The following SCPEP1 variants were observed in gnomAD, a reference collection of about 807,000 sequenced individuals.
SCPEP1 encodes retinoid-inducible serine carboxypeptidase.
Under a neutral mutation model 63.8 loss-of-function variants are expected in SCPEP1, and 51 were observed. The observed-to-expected ratio is 0.80, with a 90% CI of 0.64 to 1.01. The LOEUF (loss-of-function observed/expected upper bound fraction) is 1.01, where lower values mean the gene tolerates loss of function less well. Among genes scored for constraint, SCPEP1 ranks in the 50% least tolerant of loss-of-function variants. SCPEP1 has a pLI of 0.00. For missense variants in SCPEP1, 499 were observed against 554.9 expected, an observed-to-expected ratio of 0.90 and a Z score of 1.01; for synonymous variants, 204 against 207.8, an observed-to-expected ratio of 0.98 and a Z score of 0.16.
rs535160482 is a variant in SCPEP1 at position 57,004,573 on chromosome 17, A to AT, written c.1297-1590dup. On this transcript the variant is annotated intron_variant, in intron 12 of 12. Coordinates refer to ENST00000262288, the MANE Select transcript of SCPEP1 (RefSeq NM_021626.3). ...GAACCAGAAATGTTTCAGATTTTTA[A>AT]TTTTTTTTTTATTTTGGAATATTTG... Among the ~76,000 whole-genome samples the AT allele has an allele frequency of 1.2e-3, 178 of 150,812 alleles. 1 individual carries two copies. The highest frequency in any genetic ancestry group is 4.0e-3 in the African/African-American group (166 of 41,174).
Position 57,006,312 on chromosome 17 carries a change from C to A in SCPEP1, c.*77C>A. 1.8e-6 allele frequency: 2 copies of A among 1,112,788 alleles called. No homozygotes were observed. Among genetic ancestry groups the A allele is most frequent in the East Asian group, 2.6e-5 (1 of 37,872 alleles). The allele number at this position is 1,112,788 out of a possible 1,614,324, so 68.9% of individuals were successfully genotyped here. On this transcript the variant is annotated 3_prime_UTR_variant, in exon 13 of 13. Transcript: ENST00000262288. ...CTGAGGCCGCTGAAGCTGTAGGAAG[C>A]GCCATTCTTCCCTGTATCTAACTGG...
At chr17:56,985,619 C>T (rs1380766962) in intron 3 of SCPEP1, 152 bp downstream of exon 3, 2 of 642,248 alleles carry the variant, frequency 3.1e-6, no homozygotes, top group East Asian at 2.7e-5. Context: ...CCGCAGGCTT[C>T]CTCTCTGGCC....
At chr17:56,987,631 A>T (rs1360444552) in intron 3 of SCPEP1, 64 bp from the exon 4 acceptor site, 137 of 1,547,734 alleles carry the variant, frequency 8.9e-5, no homozygotes, top group Non-Finnish European at 1.2e-4. Context: ...GTAGAAAATG[A>T]TCCAAAGATG....
intron 6 of SCPEP1, among the ~76,000 whole-genome samples, chr17:56,994,438 G>A (rs1397338417): frequency 6.6e-6 from 1 of 152,192 alleles, no homozygotes; most frequent in East Asian, 1.9e-4. Context: ...GCTGCCTCTA[G>A]ACCCTTAGTA....
intron 2 of SCPEP1, among the ~76,000 whole-genome samples, chr17:56,981,722 T>G (rs1200300699): frequency 2.0e-5 from 3 of 152,168 alleles, no homozygotes; most frequent in Non-Finnish European, 4.4e-5. Flanking sequence ...CTCAGATGGT[T>G]GAGGCATGAG....
Position 56,978,455 on chromosome 17 carries a change from C to G in SCPEP1, c.76+220C>G, listed in dbSNP as rs538546444. On this transcript the variant is annotated intron_variant, in intron 1 of 12. Coordinates refer to ENST00000262288, the MANE Select transcript of SCPEP1 (RefSeq NM_021626.3). ...CTGGCTCTGGGTGGTCTGAGTGCTTCCGTTCTCTCCTACGCCTAGATAGAA... is the reference window on the plus strand; with the variant it reads ...CTGGCTCTGGGTGGTCTGAGTGCTTGCGTTCTCTCCTACGCCTAGATAGAA... Among the ~76,000 whole-genome samples the G allele has an allele frequency of 3.3e-5, 5 of 150,472 alleles. No homozygotes were observed. In the East Asian group the frequency reaches 9.8e-4, roughly 29 times the overall value.
intron 7 of SCPEP1, 44 bp from the exon 8 acceptor site, chr17:56,995,463 T>A (rs746914788): frequency 1.3e-6 from 2 of 1,598,066 alleles, no homozygotes; most frequent in Non-Finnish European, 1.7e-6. Context: ...CAGATTGACG[T>A]TCCCAAGTAA....
chr17:56,992,300 G>A (rs1362762970), intron 6 of SCPEP1, among the ~76,000 whole-genome samples: 2 of 152,034 alleles, frequency 1.3e-5, no homozygotes, highest in Non-Finnish European at 1.5e-5. Context: ...CTGCAGGGTA[G>A]GACTGAAGTA....
chr17:56,998,101 A>G (rs1597921592), intron 9 of SCPEP1: 3 of 310,640 alleles, frequency 9.7e-6, no homozygotes, highest in South Asian at 2.9e-5. Flanking sequence ...TCATGAGGAC[A>G]AGAGATCGAG....
intron 6 of SCPEP1, 142 bp from the exon 7 acceptor site, chr17:56,994,839 G>T: frequency 1.5e-6 from 1 of 685,610 alleles, no homozygotes; most frequent in Non-Finnish European, 2.6e-6. Flanking sequence ...CATGGGTACA[G>T]GTGAATTGAG....
chr17:56,981,705 C>A (rs1364307022), intron 2 of SCPEP1, among the ~76,000 whole-genome samples: 4 of 152,074 alleles, frequency 2.6e-5, no homozygotes, highest in Non-Finnish European at 5.9e-5. Context: ...ACCTATAATC[C>A]CAGCTACTCA....
chr17:57,000,091 A>G (rs1394531338), intron 10 of SCPEP1, among the ~76,000 whole-genome samples: 1 of 151,980 alleles, frequency 6.6e-6, no homozygotes, highest in Non-Finnish European at 1.5e-5. Context: ...TAGAGGCTGC[A>G]GTGAGCTGAG....
At chr17:57,006,065 T>A in intron 12 of SCPEP1, 108 bp from the exon 13 acceptor site, 2 of 773,182 alleles carry the variant, frequency 2.6e-6, no homozygotes, top group Non-Finnish European at 4.3e-6. Context: ...CACAGGTTGC[T>A]GTCACAGAGC....
At chr17:56,995,212 C>T in intron 7 of SCPEP1, 194 bp downstream of exon 7, 1 of 566,596 alleles carries the variant, frequency 1.8e-6, no homozygotes, top group Non-Finnish European at 3.1e-6. Context: ...AAAATCAGCA[C>T]ACATCACTTT....
rs1911508031 is a variant in SCPEP1 at position 56,995,102 on chromosome 17, A to G, written c.657+84A>G. On this transcript the variant is annotated intron_variant, in intron 7 of 12. Coordinates refer to ENST00000262288, the MANE Select transcript of SCPEP1 (RefSeq NM_021626.3). ...GTGACCCCAGGAAAAGAGATGCTGG[A>G]TGAGTTTGCCTATGTGGTTGACACT... 5 of 1,269,246 alleles carry G rather than the reference A, an allele frequency of 3.9e-6. No homozygotes were observed. The East Asian group carries it at 1.2e-4, about 29-fold the overall frequency. 78.6% of individuals were successfully genotyped at this position (1,269,246 alleles called of 1,614,324 possible).
chr17:56,989,540 T>C (rs1317534288), intron 5 of SCPEP1, among the ~76,000 whole-genome samples: 1 of 152,258 alleles, frequency 6.6e-6, no homozygotes, highest in Non-Finnish European at 1.5e-5. Context: ...ATGTTTATTA[T>C]GCCATTGTTT....
intron 3 of SCPEP1, chr17:56,987,401 G>T: frequency 3.6e-6 from 1 of 278,808 alleles, no homozygotes; most frequent in Non-Finnish European, 6.7e-6. Context: ...CATTTGTATT[G>T]TATGAAAAGC....
At chr17:56,986,416 T>C (rs996669014) in intron 3 of SCPEP1, among the ~76,000 whole-genome samples, 1 of 152,090 alleles carries the variant, frequency 6.6e-6, no homozygotes, top group Non-Finnish European at 1.5e-5. Flanking sequence ...GACGGGGTTT[T>C]ACCATGCTGG....
intron 12 of SCPEP1, 92 bp from the exon 13 acceptor site, chr17:57,006,081 C>T: frequency 1.0e-6 from 1 of 987,506 alleles, no homozygotes; most frequent in South Asian, 1.6e-5. Flanking sequence ...AGAGCTGGCT[C>T]CCTTTTGGGA....
Sources: gnomAD v4.1 joint callset for allele counts (sites outside exome capture counted in the v4.1 genomes callset) on GRCh38, gnomAD v4.1.1 for gene constraint, MANE v1.5 for transcripts, NCBI Gene and HGNC (gene_info 2026-07-23, HGNC 2026-07-21) for gene names.